ACACB: variants seen among roughly 807,000 people sequenced by gnomAD.
ACACB encodes the protein acetyl-CoA carboxylase beta.
ACACB carries 209 observed loss-of-function variants against 278.8 expected under a neutral mutation model. The ratio of observed to expected loss-of-function variants is 0.75; its 90% CI spans 0.67 to 0.84. The LOEUF (loss-of-function observed/expected upper bound fraction) is 0.84. Ranked by LOEUF, ACACB falls within the 40% of genes least tolerant of loss-of-function variation. The pLI is 0.00. For missense variants in ACACB, 2,850 were observed against 3,269.0 expected (o/e 0.87, Z 3.13); for synonymous variants, 1,174 against 1,285.6 (o/e 0.91, Z 1.86).
At chr12:109,217,930 A>G (rs2046051931) in intron 24 of ACACB, among the ~76,000 whole-genome samples, 1 of 152,234 alleles carries the variant, frequency 6.6e-6, no homozygotes, top group African/African-American at 2.4e-5. Context: ...TGCTTTCCAA[A>G]TAAATAGTTG....
chr12:109,165,706 C>G (rs570448702), intron 2 of ACACB, among the ~76,000 whole-genome samples: 1 of 152,238 alleles, frequency 6.6e-6, no homozygotes, highest in Non-Finnish European at 1.5e-5. Flanking sequence ...ACATTGAATA[C>G]CCAGTTTGCT....
At chr12:109,141,280 A>G (rs549760586) in intron 2 of ACACB, among the ~76,000 whole-genome samples, 1 of 152,234 alleles carries the variant, frequency 6.6e-6, no homozygotes, top group South Asian at 2.1e-4. Flanking sequence ...CAGAAACTCA[A>G]ACACTCTAAA....
intron 1 of ACACB, among the ~76,000 whole-genome samples, chr12:109,124,373 A>G (rs1300037795): frequency 1.3e-5 from 2 of 152,322 alleles, no homozygotes; most frequent in Admixed American, 6.5e-5. Flanking sequence ...ATGTTCTTCT[A>G]TACCTATAAA....
intron 24 of ACACB, among the ~76,000 whole-genome samples, chr12:109,218,395 T>C (rs2046066084): frequency 6.6e-6 from 1 of 151,948 alleles, no homozygotes; most frequent in South Asian, 2.1e-4. Flanking sequence ...TTTGTTTGTT[T>C]GTTTGTTTTG....
At chr12:109,222,181 C>T (rs1040855535) in intron 24 of ACACB, among the ~76,000 whole-genome samples, 7 of 152,238 alleles carry the variant, frequency 4.6e-5, no homozygotes, top group African/African-American at 1.4e-4. Context: ...GTGTGAGCCA[C>T]CATGCCTGGC....
At chr12:109,195,913 A>AGCTATTT (rs2045109257) in intron 16 of ACACB, among the ~76,000 whole-genome samples, 1 of 152,120 alleles carries the variant, frequency 6.6e-6, no homozygotes, top group Non-Finnish European at 1.5e-5. Flanking sequence ...GATCAGTTTA[A>AGCTATTT]ATAGCTGTGT....
At chr12:109,209,075 A>G in intron 20 of ACACB, 90 bp from the exon 21 acceptor site, 1 of 1,410,266 alleles carries the variant, frequency 7.1e-7, no homozygotes, top group Non-Finnish European at 9.6e-7. Context: ...TGGGGTCAGG[A>G]TGGGTTGAGC....
chr12:109,250,202 G>T, intron 41 of ACACB, 98 bp downstream of exon 41: 1 of 1,307,002 alleles, frequency 7.7e-7, no homozygotes, highest in Non-Finnish European at 1.0e-6. Flanking sequence ...AGCCCCATGT[G>T]CCCGTCACAT....
intron 2 of ACACB, among the ~76,000 whole-genome samples, chr12:109,154,185 C>A (rs2043453838): frequency 1.3e-5 from 2 of 152,232 alleles, no homozygotes; most frequent in African/African-American, 2.4e-5. Context: ...GGGGTCCTCC[C>A]TGTCCTGGAG....
intron 2 of ACACB, among the ~76,000 whole-genome samples, chr12:109,156,701 A>G (rs1219422585): frequency 6.6e-6 from 1 of 151,260 alleles, no homozygotes; most frequent in Non-Finnish European, 1.5e-5. Flanking sequence ...TACCTGGTCC[A>G]TAAACATTCA....
Position 109,171,838 on chromosome 12 carries a change from TC to T in ACACB, c.962del (p.Pro321GlnfsTer14). On this transcript the variant is annotated frameshift_variant, in exon 5 of 53. Coordinates refer to ENST00000338432, the MANE Select transcript of ACACB (RefSeq NM_001093.4). LOFTEE classifies it high-confidence loss of function. ...YIKMADHYVP[V>X]PGGPNNNNYA... is the part of the protein sequence containing the mutation. ...AAGATGGCGGATCATTACGTCCCCG[TC>T]CCAGGAGGGCCCAATAACAACAACT... The T allele has an allele frequency of 6.2e-7, 1 of 1,614,138 alleles. No individual in the cohort carries two copies. The highest frequency in any genetic ancestry group is 8.5e-7 in the Non-Finnish European group (1 of 1,180,004).
At chr12:109,161,400 G>A (rs1046134431) in intron 2 of ACACB, among the ~76,000 whole-genome samples, 12 of 151,922 alleles carry the variant, frequency 7.9e-5, no homozygotes, top group Admixed American at 4.6e-4. Flanking sequence ...AAATTTAGCC[G>A]GACATGGTGG....
intron 2 of ACACB, among the ~76,000 whole-genome samples, chr12:109,164,716 A>ATTT (rs1565878406): frequency 1.0e-5 from 1 of 97,068 alleles, no homozygotes; most frequent in African/African-American, 3.3e-5. Flanking sequence ...AGCTAATTTA[A>ATTT]ATTTTTTTTT....
intron 7 of ACACB, among the ~76,000 whole-genome samples, chr12:109,175,001 T>C (rs2044239036): frequency 6.6e-6 from 1 of 152,252 alleles, no homozygotes; most frequent in African/African-American, 2.4e-5. Context: ...TATGGATGTA[T>C]CATAATTTAC....
chr12:109,127,158 G>A (rs1348604759), intron 1 of ACACB, among the ~76,000 whole-genome samples: 1 of 152,014 alleles, frequency 6.6e-6, no homozygotes, highest in African/African-American at 2.4e-5. Flanking sequence ...TTGAATCAAC[G>A]ACCTGGTCAC....
At chr12:109,211,265 C>G (rs985884781) in intron 21 of ACACB, among the ~76,000 whole-genome samples, 5 of 151,490 alleles carry the variant, frequency 3.3e-5, no homozygotes, top group Admixed American at 1.3e-4. Context: ...AATACTGATT[C>G]ATGCTCCCAC....
chr12:109,199,682 T>C (rs2045267107), intron 18 of ACACB, 130 bp downstream of exon 18: 1 of 1,014,386 alleles, frequency 9.9e-7, no homozygotes. Context: ...AGGGAATCAG[T>C]CTGTGGATTT....
intron 2 of ACACB, among the ~76,000 whole-genome samples, 198 bp downstream of exon 2, chr12:109,140,256 A>ATCCATCCTTCCTTCCT: frequency 1.2e-5 from 1 of 83,298 alleles, no homozygotes; most frequent in African/African-American, 4.5e-5. Flanking sequence ...CCTTCCTTCC[A>ATCCATCCTTCCTTCCT]TCCTTCCTTC....
chr12:109,255,224 C>T (rs1158791802), intron 44 of ACACB, among the ~76,000 whole-genome samples: 1 of 152,196 alleles, frequency 6.6e-6, no homozygotes. Context: ...TTATTTCAGT[C>T]TGAGCAACCA....
Sources: gnomAD v4.1 joint callset for allele counts (sites outside exome capture counted in the v4.1 genomes callset) on GRCh38, gnomAD v4.1.1 for gene constraint, MANE v1.5 for transcripts, NCBI Gene and HGNC (gene_info 2026-07-23, HGNC 2026-07-21) for gene names.